RAB38: variants seen among roughly 807,000 people sequenced by gnomAD.
RAB38 encodes RAB38, member RAS oncogene family.
A neutral mutation model predicts 18.4 loss-of-function variants in RAB38; 15 were observed. That is an observed-to-expected ratio of 0.82 (90% CI 0.55 to 1.26). The LOEUF (loss-of-function observed/expected upper bound fraction) is 1.26. Among genes scored for constraint, RAB38 ranks in the 50% most tolerant of loss-of-function variants. The pLI is 0.00. For missense variants in RAB38, 294 were observed against 267.4 expected, an observed-to-expected ratio of 1.10 and a Z score of -0.69; for synonymous variants, 101 against 104.4, an observed-to-expected ratio of 0.97 and a Z score of 0.20.
the RAB38 span, among the ~76,000 whole-genome samples, chr11:88,016,099 C>T: frequency 2.6e-5 from 4 of 152,322 alleles, no homozygotes; most frequent in East Asian, 7.7e-4. Flanking sequence ...TGAATGCCAG[C>T]TTCCTTTGCC....
the RAB38 span, among the ~76,000 whole-genome samples, chr11:87,935,737 T>C: frequency 8.6e-5 from 13 of 152,024 alleles, no homozygotes; most frequent in Admixed American, 3.3e-4. Flanking sequence ...TGTCCTTTTA[T>C]AGTCACACCC....
At chr11:88,022,542 A>G in the RAB38 span, among the ~76,000 whole-genome samples, 18,129 of 148,622 alleles carry the variant, frequency 0.12, 1,441 homozygotes, top group South Asian at 0.21. Flanking sequence ...CAAATTGGAA[A>G]GGAAGAAGCC....
At chr11:87,805,696 CACAT>C in the RAB38 span, among the ~76,000 whole-genome samples, 7 of 151,600 alleles carry the variant, frequency 4.6e-5, no homozygotes, top group African/African-American at 9.7e-5. Flanking sequence ...TATACATATA[CACAT>C]ACATATATGT....
At chr11:88,089,275 T>G in the RAB38 span, among the ~76,000 whole-genome samples, 1 of 151,892 alleles carries the variant, frequency 6.6e-6, no homozygotes, top group East Asian at 2.0e-4. Context: ...CCATTAGTAA[T>G]TGTACTTTCT....
the RAB38 span, among the ~76,000 whole-genome samples, chr11:87,902,350 G>A: frequency 2.0e-5 from 3 of 151,394 alleles, no homozygotes; most frequent in South Asian, 2.1e-4. Context: ...CGCAATTGTC[G>A]AAAAGACTCA....
At chr11:88,076,917 C>T in the RAB38 span, among the ~76,000 whole-genome samples, 10 of 133,422 alleles carry the variant, frequency 7.5e-5, no homozygotes, top group African/African-American at 2.8e-4. Flanking sequence ...CAGGATTGTA[C>T]CACTGCACTC....
At chr11:87,941,214 G>GATATATATATATATATATATATAT in the RAB38 span, among the ~76,000 whole-genome samples, 315 of 62,462 alleles carry the variant, frequency 5.0e-3, 15 homozygotes, top group African/African-American at 7.0e-3. Context: ...AAATATATGA[G>GATATATATATATATATATATATAT]ATATATATAT....
the RAB38 span, among the ~76,000 whole-genome samples, chr11:88,061,449 A>G: frequency 6.6e-6 from 1 of 152,254 alleles, no homozygotes; most frequent in Non-Finnish European, 1.5e-5. Context: ...CCAGATGTCT[A>G]GAGCCATTAG....
At chr11:88,120,935 G>T (rs1027928548) in intron 2 of RAB38, among the ~76,000 whole-genome samples, 1 of 152,174 alleles carries the variant, frequency 6.6e-6, no homozygotes, top group East Asian at 1.9e-4. Flanking sequence ...TCACTAATTC[G>T]CCCTGCTTTC....
the RAB38 span, among the ~76,000 whole-genome samples, chr11:88,071,960 T>C: frequency 6.6e-6 from 1 of 152,236 alleles, no homozygotes; most frequent in Non-Finnish European, 1.5e-5. Context: ...AGGAGAGGCA[T>C]GCCCATTGTA....
At chr11:88,033,624 CTG>C in the RAB38 span, among the ~76,000 whole-genome samples, 1 of 150,440 alleles carries the variant, frequency 6.6e-6, no homozygotes, top group African/African-American at 2.5e-5. Flanking sequence ...AGTTGTGTTT[CTG>C]TGTGTGTCTT....
At chr11:87,957,847 C>A in the RAB38 span, among the ~76,000 whole-genome samples, 2 of 151,974 alleles carry the variant, frequency 1.3e-5, no homozygotes, top group Non-Finnish European at 2.9e-5. Flanking sequence ...TAAGGCCTAC[C>A]AATCTCCTTC....
At chr11:88,149,019 C>A (rs1384875660) in intron 2 of RAB38, among the ~76,000 whole-genome samples, 1 of 151,812 alleles carries the variant, frequency 6.6e-6, no homozygotes, top group Non-Finnish European at 1.5e-5. Flanking sequence ...CAGATGGCAA[C>A]ATGAGGGAAC....
the RAB38 span, among the ~76,000 whole-genome samples, chr11:87,895,120 C>G: frequency 6.6e-6 from 1 of 151,398 alleles, no homozygotes; most frequent in South Asian, 2.1e-4. Flanking sequence ...AGAAAAGCAC[C>G]CCCAGGTGTG....
intron 2 of RAB38, among the ~76,000 whole-genome samples, chr11:88,145,406 CAAAGTG>C (rs1233756196): frequency 6.6e-6 from 1 of 152,120 alleles, no homozygotes; most frequent in Non-Finnish European, 1.5e-5. Flanking sequence ...CTCGGCCTCC[CAAAGTG>C]CTGAGATTAC....
the RAB38 span, among the ~76,000 whole-genome samples, chr11:88,081,430 A>G: frequency 6.6e-6 from 1 of 151,912 alleles, no homozygotes; most frequent in Non-Finnish European, 1.5e-5. Context: ...TTTTTGTCTC[A>G]TAGTTATAGA....
chr11:87,933,789 A>C, the RAB38 span, among the ~76,000 whole-genome samples: 5 of 152,014 alleles, frequency 3.3e-5, no homozygotes, highest in African/African-American at 1.2e-4. Flanking sequence ...GGCATTTTCC[A>C]ATTTAGGAAA....
At chr11:87,862,361 G>T in the RAB38 span, among the ~76,000 whole-genome samples, 1 of 151,906 alleles carries the variant, frequency 6.6e-6, no homozygotes, top group East Asian at 1.9e-4. Context: ...CCTTTGCTGG[G>T]GCATGGATGG....
At chr11:88,128,178 T>A (rs772472814) in intron 2 of RAB38, among the ~76,000 whole-genome samples, 2 of 152,202 alleles carry the variant, frequency 1.3e-5, no homozygotes, top group Non-Finnish European at 2.9e-5. Flanking sequence ...CAAACTATCT[T>A]GGTCACTATG....
Sources: gnomAD v4.1 joint callset for allele counts (sites outside exome capture counted in the v4.1 genomes callset) on GRCh38, gnomAD v4.1.1 for gene constraint, MANE v1.5 for transcripts, NCBI Gene and HGNC (gene_info 2026-07-23, HGNC 2026-07-21) for gene names.